KSR2: variants seen among roughly 807,000 people sequenced by gnomAD.
The protein encoded by KSR2 is kinase suppressor of ras 2.
In KSR2, 25 loss-of-function variants were observed where a neutral mutation model predicts 107.8. That is an observed-to-expected ratio of 0.23 (90% CI 0.17 to 0.32). The LOEUF (loss-of-function observed/expected upper bound fraction) is 0.32. KSR2 is among the 10% of genes least tolerant of loss of function. KSR2 has a pLI of 1.00. For synonymous variants in KSR2, 480 were observed against 507.0 expected (o/e 0.95, Z 0.71); for missense variants, 887 against 1,268.9 (o/e 0.70, Z 4.57).
intron 3 of KSR2, among the ~76,000 whole-genome samples, chr12:117,815,016 T>G (rs1055582593): frequency 1.1e-4 from 16 of 152,168 alleles, no homozygotes; most frequent in Admixed American, 7.9e-4. Flanking sequence ...GAAATACAGA[T>G]GGCTCTTAAA....
chr12:117,546,596 C>T (rs570331082), intron 9 of KSR2, among the ~76,000 whole-genome samples: 1 of 152,306 alleles, frequency 6.6e-6, no homozygotes, highest in South Asian at 2.1e-4. Context: ...TTCCAGGACA[C>T]CGATGACACC....
In KSR2 at chr12:117,468,523, A is replaced by G. The variant is rs192879396; in HGVS notation, c.2846+1139T>C. 5.6e-3 allele frequency among the ~76,000 whole-genome samples: 849 copies of G among 150,404 alleles called. 6 individuals are homozygous for G. The highest frequency in any genetic ancestry group is 0.014 in the Middle Eastern group (4 of 294). On this transcript the variant is annotated intron_variant, in intron 19 of 19. Coordinates refer to ENST00000339824, the MANE Select transcript of KSR2 (RefSeq NM_173598.6). ...GCTCAAATGGCAGGGGAAGGGAGTAAAAAAAGAGCCTCCTAATGTCCACAG... is the reference window on the plus strand; with the variant it reads ...GCTCAAATGGCAGGGGAAGGGAGTAGAAAAAGAGCCTCCTAATGTCCACAG...
intron 3 of KSR2, among the ~76,000 whole-genome samples, chr12:117,852,279 C>G (rs77325901): frequency 7.1e-6 from 1 of 140,118 alleles, no homozygotes; most frequent in Admixed American, 7.4e-5. Flanking sequence ...AAAAAAAAAA[C>G]TAGCTGGGCG....
intron 4 of KSR2, among the ~76,000 whole-genome samples, chr12:117,684,959 T>G (rs1164475204): frequency 6.6e-6 from 1 of 152,176 alleles, no homozygotes; most frequent in Non-Finnish European, 1.5e-5. Context: ...GGTTGTCAAT[T>G]TCAGGGTTAG....
At chr12:117,921,919 T>A (rs536685121) in intron 1 of KSR2, among the ~76,000 whole-genome samples, 5 of 152,296 alleles carry the variant, frequency 3.3e-5, no homozygotes, top group African/African-American at 1.2e-4. Flanking sequence ...TTCTTACATA[T>A]ATAAATGCAA....
chr12:117,517,793 A>C, intron 14 of KSR2: 1 of 454,618 alleles, frequency 2.2e-6, no homozygotes, highest in Non-Finnish European at 4.4e-6. Context: ...TGGGGACGGA[A>C]TCTTCATGTG....
chr12:117,782,544 C>T (rs962614405), intron 3 of KSR2, among the ~76,000 whole-genome samples: 10 of 152,168 alleles, frequency 6.6e-5, no homozygotes, highest in South Asian at 2.1e-4. Flanking sequence ...GGATTACAAG[C>T]GTGAGCCACT....
chr12:117,653,526 G>T (rs1883991736), intron 5 of KSR2, among the ~76,000 whole-genome samples: 1 of 152,206 alleles, frequency 6.6e-6, no homozygotes, highest in Admixed American at 6.5e-5. Context: ...TATGTTGATT[G>T]GATCCAGTGA....
intron 4 of KSR2, among the ~76,000 whole-genome samples, chr12:117,710,527 G>A (rs980647963): frequency 6.6e-6 from 1 of 152,110 alleles, no homozygotes; most frequent in Non-Finnish European, 1.5e-5. Flanking sequence ...GTAAACAGAG[G>A]CAAGTGTTTT....
chr12:117,803,952 T>C (rs1271664398), intron 3 of KSR2, among the ~76,000 whole-genome samples: 3 of 152,230 alleles, frequency 2.0e-5, no homozygotes, highest in Non-Finnish European at 4.4e-5. Context: ...AAGACAGTTA[T>C]CTTTCCACCG....
At chr12:117,540,931 G>T (rs1381622240) in intron 9 of KSR2, among the ~76,000 whole-genome samples, 1 of 152,250 alleles carries the variant, frequency 6.6e-6, no homozygotes, top group Non-Finnish European at 1.5e-5. Context: ...GCAGGAACCG[G>T]AGTCAGGAAA....
intron 4 of KSR2, among the ~76,000 whole-genome samples, chr12:117,739,779 G>A (rs1417628213): frequency 1.3e-5 from 2 of 152,112 alleles, no homozygotes; most frequent in Non-Finnish European, 2.9e-5. Context: ...TAAGATAGGG[G>A]TGCTGGGAGT....
At chr12:117,755,503 T>C (rs1888757849) in intron 4 of KSR2, among the ~76,000 whole-genome samples, 1 of 152,206 alleles carries the variant, frequency 6.6e-6, no homozygotes, top group Non-Finnish European at 1.5e-5. Flanking sequence ...CCACAAACCG[T>C]GCCCATATGA....
rs150602714 is a variant in KSR2 at position 117,815,380 on chromosome 12, C to T, written c.472+40048G>A. Among the ~76,000 whole-genome samples, 451 of 152,114 alleles carry T rather than the reference C, an allele frequency of 3.0e-3. 2 individuals are homozygous for T. The highest frequency in any genetic ancestry group is 0.01 in the African/African-American group (431 of 41,500). On this transcript the variant is annotated intron_variant, in intron 3 of 19. Coordinates refer to ENST00000339824, the MANE Select transcript of KSR2 (RefSeq NM_173598.6). ...TCTATATGTCTTGATATGGAACAGT[C>T]TCCGTGATACATGTATAAGAAAAAA... is the stretch of plus-strand genomic sequence containing the variant.
chr12:117,518,705 G>T (rs544063484), intron 14 of KSR2, among the ~76,000 whole-genome samples: 5 of 152,162 alleles, frequency 3.3e-5, no homozygotes, highest in Admixed American at 6.5e-5. Context: ...TCAAAGCCTT[G>T]CAATTATCTG....
At chr12:117,469,548 C>T in intron 19 of KSR2, 114 bp downstream of exon 19, 2 of 1,257,488 alleles carry the variant, frequency 1.6e-6, no homozygotes, top group Non-Finnish European at 2.2e-6. Context: ...GAAGGGTGGG[C>T]ACATGGATAG....
At chr12:117,836,358 C>T (rs940918965) in intron 3 of KSR2, among the ~76,000 whole-genome samples, 2 of 152,112 alleles carry the variant, frequency 1.3e-5, no homozygotes, top group South Asian at 4.2e-4. Context: ...ATGCCAACAC[C>T]GTACTTATTA....
chr12:117,562,486 T>C (rs1342713808), intron 7 of KSR2, among the ~76,000 whole-genome samples: 1 of 151,952 alleles, frequency 6.6e-6, no homozygotes, highest in African/African-American at 2.4e-5. Flanking sequence ...AAAGAATATT[T>C]TTCCTTTCTA....
intron 1 of KSR2, among the ~76,000 whole-genome samples, chr12:117,962,775 C>A (rs1464429661): frequency 6.6e-6 from 1 of 151,346 alleles, no homozygotes; most frequent in African/African-American, 2.4e-5. Flanking sequence ...GGCCCAGAAA[C>A]TACAGTTTGT....
Sources: allele counts gnomAD v4.1 joint callset (sites outside exome capture counted in the v4.1 genomes callset), GRCh38; gene constraint gnomAD v4.1.1; transcripts MANE v1.5; gene names NCBI Gene and HGNC (gene_info 2026-07-23, HGNC 2026-07-21).